Variants in KCNJ3 observed in about 807,000 individuals in gnomAD.
The protein encoded by KCNJ3 is potassium inwardly rectifying channel subfamily J member 3, also known as G protein-activated inward rectifier potassium channel 1.
KCNJ3 carries 4 observed loss-of-function variants against 39.2 expected under a neutral mutation model. That is an observed-to-expected ratio of 0.10 (90% CI 0.05 to 0.23). The LOEUF (loss-of-function observed/expected upper bound fraction) is 0.23, where lower values mean the gene tolerates loss of function less well. Ranked by LOEUF, KCNJ3 falls within the 10% of genes least tolerant of loss-of-function variation. The pLI is 1.00. For missense variants in KCNJ3, 276 were observed against 634.9 expected (o/e 0.43, Z 6.08); for synonymous variants, 230 against 237.4 (o/e 0.97, Z 0.29).
chr2:154,704,108 A>G (rs1684956749), intron 1 of KCNJ3, among the ~76,000 whole-genome samples: 1 of 152,060 alleles, frequency 6.6e-6, no homozygotes, highest in Non-Finnish European at 1.5e-5. Flanking sequence ...GCTTCTAAAA[A>G]TATATAATTA....
chr2:154,853,888 G>T (rs1687797316), intron 2 of KCNJ3, among the ~76,000 whole-genome samples: 1 of 152,136 alleles, frequency 6.6e-6, no homozygotes, highest in African/African-American at 2.4e-5. Flanking sequence ...CCAGCAACCA[G>T]TTCCAGATAT....
intron 2 of KCNJ3, among the ~76,000 whole-genome samples, chr2:154,804,574 T>A (rs1486573677): frequency 6.6e-6 from 1 of 152,152 alleles, no homozygotes; most frequent in Non-Finnish European, 1.5e-5. Flanking sequence ...GAATTTCTCA[T>A]CAGGTAATAA....
chr2:154,828,843 T>C (rs1194015367), intron 2 of KCNJ3, among the ~76,000 whole-genome samples: 1 of 152,232 alleles, frequency 6.6e-6, no homozygotes, highest in Non-Finnish European at 1.5e-5. Context: ...ATATTTAGTT[T>C]GAGTTTTTCA....
intron 2 of KCNJ3, among the ~76,000 whole-genome samples, chr2:154,847,770 T>C (rs1687684959): frequency 6.6e-6 from 1 of 152,200 alleles, no homozygotes; most frequent in Non-Finnish European, 1.5e-5. Context: ...AATGTACAGA[T>C]AATGAAACTA....
rs1687814925 is a variant in KCNJ3 at position 154,855,109 on chromosome 2, C to T, written c.1302C>T (p.Pro434=). 6.2e-7 allele frequency: 1 copy of T among 1,613,890 alleles called. No homozygotes were observed. The highest frequency in any genetic ancestry group is 1.3e-5 in the African/African-American group (1 of 74,890). The change falls in exon 3 of 3, where the codon CCC becomes CCT. Residue 434 remains proline, a synonymous_variant. Coordinates refer to ENST00000295101, the MANE Select transcript of KCNJ3 (RefSeq NM_002239.4). ...AAGCCTACAGCTTGGGAGACTTGCC[C>T]ATGAAACTTCAACGAATAAGTTCAG... ...SEKAYSLGDL[P]MKLQRISSVP... is the part of the protein sequence containing the mutation.
chr2:154,794,981 T>C, intron 2 of KCNJ3, among the ~76,000 whole-genome samples: 1 of 151,912 alleles, frequency 6.6e-6, no homozygotes, highest in East Asian at 1.9e-4. Flanking sequence ...AAAATGAGAA[T>C]AAGACAACAT....
chr2:154,844,929 G>A (rs1158577521), intron 2 of KCNJ3, among the ~76,000 whole-genome samples: 1 of 152,084 alleles, frequency 6.6e-6, no homozygotes, highest in Admixed American at 6.6e-5. Flanking sequence ...TGCCCTGCCT[G>A]CTTCAGCTCG....
chr2:154,840,316 A>G (rs1460621064), intron 2 of KCNJ3, among the ~76,000 whole-genome samples: 1 of 152,190 alleles, frequency 6.6e-6, no homozygotes, highest in Non-Finnish European at 1.5e-5. Context: ...TTTTGGTAGC[A>G]GTACCATGCT....
At chr2:154,829,634 G>A (rs1326362244) in intron 2 of KCNJ3, among the ~76,000 whole-genome samples, 1 of 152,046 alleles carries the variant, frequency 6.6e-6, no homozygotes, top group African/African-American at 2.4e-5. Flanking sequence ...ATATTCTTTT[G>A]GGTATATACC....
At chr2:154,850,519 A>G (rs1687741525) in intron 2 of KCNJ3, among the ~76,000 whole-genome samples, 1 of 152,206 alleles carries the variant, frequency 6.6e-6, no homozygotes, top group South Asian at 2.1e-4. Context: ...ATTGTCTAAG[A>G]TGCAGATTGG....
intron 2 of KCNJ3, among the ~76,000 whole-genome samples, chr2:154,721,791 T>C (rs1219002498): frequency 6.6e-6 from 1 of 152,174 alleles, no homozygotes; most frequent in East Asian, 1.9e-4. Context: ...TTTACAGAAA[T>C]GGAAACTGTG....
intron 2 of KCNJ3, among the ~76,000 whole-genome samples, chr2:154,826,667 G>A (rs1482531540): frequency 6.6e-6 from 1 of 152,148 alleles, no homozygotes; most frequent in Non-Finnish European, 1.5e-5. Flanking sequence ...CTTGAGGATC[G>A]GGGTTGTCCC....
intron 2 of KCNJ3, among the ~76,000 whole-genome samples, chr2:154,755,594 C>G (rs1685923851): frequency 6.7e-6 from 1 of 148,928 alleles, no homozygotes; most frequent in Admixed American, 6.8e-5. Flanking sequence ...TATTTCTGAC[C>G]ATGGTCAGCA....
At chr2:154,728,503 T>G (rs1047514687) in intron 2 of KCNJ3, among the ~76,000 whole-genome samples, 3 of 152,206 alleles carry the variant, frequency 2.0e-5, no homozygotes, top group Non-Finnish European at 2.9e-5. Context: ...TACTACAGGC[T>G]TGGTCTCACT....
rs1178235835 is a variant in KCNJ3 at position 154,779,517 on chromosome 2, T to TA, written c.919+69698_919+69699insA. Reference sequence around the variant, plus strand: ...ATATATTTTATATATGTTATATATATTTTTTATATATATAGTTATATATAT... The same window carrying TA: ...ATATATTTTATATATGTTATATATATATTTTTATATATATAGTTATATATAT... On this transcript the variant is annotated intron_variant, in intron 2 of 2. Transcript: ENST00000295101. 2.0e-4 allele frequency among the ~76,000 whole-genome samples: 28 copies of TA among 140,906 alleles called. No homozygotes were observed. In the East Asian group the frequency reaches 5.1e-3, roughly 26 times the overall value. 92.4% of individuals were successfully genotyped at this position (140,906 alleles called of 152,430 possible). A position where few individuals can be genotyped will look rare whatever the true frequency, so the allele number is the denominator to read the frequency against.
chr2:154,752,099 C>G (rs938995593), intron 2 of KCNJ3, among the ~76,000 whole-genome samples: 1 of 151,932 alleles, frequency 6.6e-6, no homozygotes, highest in African/African-American at 2.4e-5. Flanking sequence ...ATTTTCATTA[C>G]AAAGTAATTT....
chr2:154,836,229 CAA>C (rs67183820), intron 2 of KCNJ3, among the ~76,000 whole-genome samples: 11 of 141,222 alleles, frequency 7.8e-5, no homozygotes, highest in Non-Finnish European at 1.4e-4. Context: ...CAAAAAAAAA[CAA>C]AAAAAAAAAC....
At chr2:154,816,348 T>A (rs549389158) in intron 2 of KCNJ3, among the ~76,000 whole-genome samples, 198 of 152,324 alleles carry the variant, frequency 1.3e-3, no homozygotes, top group African/African-American at 4.6e-3. Flanking sequence ...ATGTCACTGA[T>A]TAAAAAGGAA....
intron 2 of KCNJ3, among the ~76,000 whole-genome samples, chr2:154,852,989 G>A (rs145438170): frequency 8.6e-5 from 13 of 151,888 alleles, no homozygotes; most frequent in Middle Eastern, 3.4e-3. Context: ...AAAAACCCAC[G>A]CATAGAAATA....
Sources: allele counts gnomAD v4.1 joint callset (sites outside exome capture counted in the v4.1 genomes callset), GRCh38; gene constraint gnomAD v4.1.1; transcripts MANE v1.5; gene names NCBI Gene and HGNC (gene_info 2026-07-23, HGNC 2026-07-21).